Variants in NUCKS1 observed in about 807,000 individuals in gnomAD.
NUCKS1 encodes the protein nuclear casein kinase and cyclin dependent kinase substrate 1.
Under a neutral mutation model 33.0 loss-of-function variants are expected in NUCKS1, and 2 were observed. The ratio of observed to expected loss-of-function variants is 0.06; its 90% confidence interval spans 0.02 to 0.19. The LOEUF (loss-of-function observed/expected upper bound fraction) is 0.19. Ranked by LOEUF, NUCKS1 falls within the 10% of genes least tolerant of loss-of-function variation. The probability of loss-of-function intolerance (pLI) is 1.00; values close to 1 mark genes in which losing one functional copy is unlikely to be tolerated. For missense variants in NUCKS1, 201 were observed against 293.6 expected (o/e 0.68, Z 2.31); for synonymous variants, 106 against 102.8 (o/e 1.03, Z -0.19).
At chr1:205,742,373 A>G (rs762025685) in intron 1 of NUCKS1, among the ~76,000 whole-genome samples, 13 of 152,226 alleles carry the variant, frequency 8.5e-5, no homozygotes, top group Non-Finnish European at 1.6e-4. Context: ...AAAGACCTAC[A>G]ATTAAGACCA....
intron 1 of NUCKS1, among the ~76,000 whole-genome samples, chr1:205,749,418 G>A (rs1283770734): frequency 1.3e-5 from 2 of 152,158 alleles, no homozygotes; most frequent in Non-Finnish European, 2.9e-5. Flanking sequence ...AGGCGGGGCC[G>A]GTTGGCAGTG....
intron 1 of NUCKS1, among the ~76,000 whole-genome samples, chr1:205,735,027 G>T (rs1307349875): frequency 1.3e-5 from 2 of 152,100 alleles, no homozygotes; most frequent in East Asian, 1.9e-4. Flanking sequence ...ATACATTTTT[G>T]ATGAATTTGT....
intron 1 of NUCKS1, among the ~76,000 whole-genome samples, chr1:205,746,440 CTCTCTCT>C (rs1255549168): frequency 5.1e-5 from 2 of 39,514 alleles, no homozygotes; most frequent in African/African-American, 1.4e-4. Flanking sequence ...ACTCACTTCT[CTCTCTCT>C]CTCTCTCACA....
chr1:205,746,969 T>C (rs1010732954), intron 1 of NUCKS1, among the ~76,000 whole-genome samples: 6 of 152,180 alleles, frequency 3.9e-5, no homozygotes, highest in African/African-American at 1.4e-4. Flanking sequence ...TTTCAAGAAA[T>C]CTGGTTTCTA....
intron 1 of NUCKS1, among the ~76,000 whole-genome samples, chr1:205,737,499 ATTT>A (rs1654061378): frequency 2.0e-5 from 3 of 152,174 alleles, no homozygotes; most frequent in Non-Finnish European, 4.4e-5. Context: ...CAATCTATTT[ATTT>A]GTCAGCCCTC....
At position 205,713,714 on chromosome 1, in the gene NUCKS1, T is replaced by G. The variant is rs1465798291; in HGVS notation, c.*4566A>C. On this transcript the variant is annotated 3_prime_UTR_variant, in exon 7 of 7. Transcript: ENST00000367142. The stretch of plus-strand genomic sequence containing the variant: ...TGCAGATTTCAGCACTGTTAAGGTA[T>G]TGCAAGAATGCCCAACCCTCTGGTG... The G allele has an allele frequency of 6.6e-6, 1 of 152,220 alleles. No individual in the cohort carries two copies. Among genetic ancestry groups the G allele is most frequent in the African/African-American group, 2.4e-5 (1 of 41,456 alleles). 9.4% of individuals were successfully genotyped at this position (152,220 alleles called of 1,614,324 possible).
At position 205,717,397 on chromosome 1, in the gene NUCKS1, T is replaced by G. The variant is rs1179068427; in HGVS notation, c.*883A>C. 1.1e-6 allele frequency: 1 copy of G among 946,910 alleles called. No individual in the cohort carries two copies. The highest frequency in any genetic ancestry group is 1.2e-4 in the East Asian group (1 of 8,500). The allele number at this position is 946,910 out of a possible 1,614,324, so 58.7% of individuals were successfully genotyped here. On this transcript the variant is annotated 3_prime_UTR_variant, in exon 7 of 7. Coordinates refer to ENST00000367142, the MANE Select transcript of NUCKS1 (RefSeq NM_022731.5). ...GATCTTGTTGATTAAATTCTAGGGT[T>G]TTTTTTTTTTTGGATTCTTGGTAAA...
chr1:205,719,712 T>C (rs1671888347), intron 5 of NUCKS1, 36 bp from the exon 6 acceptor site: 2 of 1,590,864 alleles, frequency 1.3e-6, no homozygotes, highest in African/African-American at 2.7e-5. Context: ...TCTAACTTAA[T>C]GTACACATCC....
At chr1:205,745,433 G>T (rs187817365) in intron 1 of NUCKS1, among the ~76,000 whole-genome samples, 1 of 152,052 alleles carries the variant, frequency 6.6e-6, no homozygotes, top group Non-Finnish European at 1.5e-5. Context: ...AGGATGCAGT[G>T]AGCCTGTGAT....
intron 1 of NUCKS1, among the ~76,000 whole-genome samples, chr1:205,730,057 T>A (rs1177651022): frequency 2.2e-4 from 34 of 151,724 alleles, no homozygotes; most frequent in Admixed American, 2.2e-3. Context: ...AAGAAAATTA[T>A]TTAATTAATT....
chr1:205,717,095 C>T lies in NUCKS1; in HGVS notation c.*1185G>A, dbSNP rs896785979. 8.8e-4 allele frequency: 147 copies of T among 166,600 alleles called. No homozygotes were observed. The highest frequency in any genetic ancestry group is 1.4e-3 in the Non-Finnish European group (113 of 81,370). 10.3% of individuals were successfully genotyped at this position (166,600 alleles called of 1,614,324 possible). ...GGGTAGGGTGTGCAGTGGTGCTCTA[C>T]GAAGCAGCAGGATCACAGGGATGTA... On this transcript the variant is annotated 3_prime_UTR_variant, in exon 7 of 7. Transcript: ENST00000367142.
rs1671830143 is a variant in NUCKS1 at position 205,716,839 on chromosome 1, A to G, written c.*1441T>C. 2 of 152,142 alleles carry G rather than the reference A, an allele frequency of 1.3e-5. No individual in the cohort carries two copies. The highest frequency in any genetic ancestry group is 4.1e-4 in the South Asian group (2 of 4,826). 9.4% of individuals were successfully genotyped at this position (152,142 alleles called of 1,614,324 possible). A position where few individuals can be genotyped will look rare whatever the true frequency, so the allele number is the denominator to read the frequency against. On this transcript the variant is annotated 3_prime_UTR_variant, in exon 7 of 7. Coordinates refer to ENST00000367142, the MANE Select transcript of NUCKS1 (RefSeq NM_022731.5). Reference sequence around the variant, plus strand: ...CTGACTGCTTTTATAAGGCGTGTAAAAGTCGGTTTTCAACTGCACACAGGC... The same window carrying G: ...CTGACTGCTTTTATAAGGCGTGTAAGAGTCGGTTTTCAACTGCACACAGGC...
At position 205,713,502 on chromosome 1, in the gene NUCKS1, T is replaced by C. The variant is rs1671777116; in HGVS notation, c.*4778A>G. ...TGTCTATGCAGATACATACAGAGACTGGGATATGTAAAAATTAAGTATCAC... is the reference window on the plus strand; with the variant it reads ...TGTCTATGCAGATACATACAGAGACCGGGATATGTAAAAATTAAGTATCAC... On this transcript the variant is annotated 3_prime_UTR_variant, in exon 7 of 7. Transcript: ENST00000367142. 6.6e-6 allele frequency: 1 copy of C among 152,188 alleles called. No individual in the cohort carries two copies. The highest frequency in any genetic ancestry group is 6.5e-5 in the Admixed American group (1 of 15,280). 9.4% of individuals were successfully genotyped at this position (152,188 alleles called of 1,614,324 possible).
intron 5 of NUCKS1, among the ~76,000 whole-genome samples, chr1:205,720,081 C>CA (rs1558049341): frequency 6.6e-6 from 1 of 152,092 alleles, no homozygotes; most frequent in African/African-American, 2.4e-5. Flanking sequence ...AAACCAAACA[C>CA]AAAACAAAAA....
intron 1 of NUCKS1, among the ~76,000 whole-genome samples, chr1:205,745,367 T>C (rs561720509): frequency 1.9e-4 from 29 of 152,252 alleles, no homozygotes; most frequent in Admixed American, 1.7e-3. Context: ...GCCACACCTA[T>C]AGTCCCAGCT....
chr1:205,729,653 T>C lies in NUCKS1; in HGVS notation c.18-32A>G, dbSNP rs769580226. 3.3e-6 allele frequency: 5 copies of C among 1,504,522 alleles called. No homozygotes were observed. The South Asian group carries it at 4.5e-5, about 14-fold the overall frequency. The allele number at this position is 1,504,522 out of a possible 1,614,324, so 93.2% of individuals were successfully genotyped here. A position where few individuals can be genotyped will look rare whatever the true frequency, so the allele number is the denominator to read the frequency against. ...AAAGAAGAGACTCTAATTAAAATCATAAAACTGTAGGATTTTTCTAAGACA... is the reference window on the plus strand; with the variant it reads ...AAAGAAGAGACTCTAATTAAAATCACAAAACTGTAGGATTTTTCTAAGACA... On this transcript the variant is annotated intron_variant, in intron 1 of 6. Transcript: ENST00000367142.
Position 205,723,981 on chromosome 1 carries a change from A to G in NUCKS1, c.174T>C (p.Ser58=). 6.2e-7 allele frequency: 1 copy of G among 1,610,780 alleles called. No homozygotes were observed. The change falls in exon 4 of 7, where the codon AGT becomes AGC. Residue 58 remains serine, a splice_region_variant and synonymous_variant. Coordinates refer to ENST00000367142, the MANE Select transcript of NUCKS1 (RefSeq NM_022731.5). ...TCACATCTTTGTCTTCTGAGTCCTC[A>G]CTATAAAGGGAGGCAAAAAAGCAAA... is the stretch of plus-strand genomic sequence containing the variant. The part of the protein sequence containing the change: ...RRSGKNSQED[S]EDSEDKDVKT...
At chr1:205,736,160 C>T (rs1654029626) in intron 1 of NUCKS1, among the ~76,000 whole-genome samples, 1 of 152,048 alleles carries the variant, frequency 6.6e-6, no homozygotes, top group Non-Finnish European at 1.5e-5. Context: ...TGCTGTTTCC[C>T]AGGCTGGTTT....
chr1:205,746,474 CACACACACACACACTA>C (rs1654335036), intron 1 of NUCKS1, among the ~76,000 whole-genome samples: 15 of 146,508 alleles, frequency 1.0e-4, no homozygotes, highest in Admixed American at 1.4e-4. Context: ...CACACACACA[CACACACACACACACTA>C]GAGAATAAGA....
Sources: allele counts gnomAD v4.1 joint callset (sites outside exome capture counted in the v4.1 genomes callset), GRCh38; gene constraint gnomAD v4.1.1; transcripts MANE v1.5; gene names NCBI Gene and HGNC (gene_info 2026-07-23, HGNC 2026-07-21).